Variants in ROBO1 observed in about 807,000 individuals in gnomAD.
ROBO1 encodes roundabout homolog 1.
A neutral mutation model predicts 195.9 loss-of-function variants in ROBO1; 149 were observed. That is an observed-to-expected ratio of 0.76 (90% CI 0.67 to 0.87). The LOEUF (loss-of-function observed/expected upper bound fraction) is 0.87, where lower values mean the gene tolerates loss of function less well. ROBO1 is among the 40% of genes least tolerant of loss of function. The pLI, the probability that ROBO1 is intolerant of heterozygous loss-of-function variation, is 0.00. For synonymous variants in ROBO1, 816 were observed against 733.2 expected (o/e 1.11, Z -1.82); for missense variants, 1,933 against 2,068.3 (o/e 0.93, Z 1.27).
At chr3:79,350,334 C>T (rs754896353) in intron 2 of ROBO1, among the ~76,000 whole-genome samples, 5 of 152,138 alleles carry the variant, frequency 3.3e-5, no homozygotes, top group Non-Finnish European at 5.9e-5. Flanking sequence ...TTTATCCTCA[C>T]GCATTGCTAG....
rs1704885316 is a variant in ROBO1 at position 78,627,497 on chromosome 3, C to A, written c.3699G>T (p.Glu1233Asp). The A allele has an allele frequency of 6.2e-7, 1 of 1,613,198 alleles. No individual in the cohort carries two copies. Among genetic ancestry groups the A allele is most frequent in the Non-Finnish European group, 8.5e-7 (1 of 1,179,680 alleles). Residue 1233 changes from glutamate to aspartate, a missense_variant, in exon 26 of 31, where the codon GAG (glutamate) becomes GAT (aspartate). Glu to Asp is a conservative substitution (Grantham distance 45). This residue lies in a region of ROBO1 where 1,737 missense variants were observed against 1,882.5 expected (regional missense o/e 0.92). Transcript: ENST00000464233. ...GGGGAGTGGGGCCTCGTTCATCTTCCTCCTCTTCTAATTCATCTTGTTGCA... is the reference window on the plus strand; with the variant it reads ...GGGGAGTGGGGCCTCGTTCATCTTCATCCTCTTCTAATTCATCTTGTTGCA... Reference protein sequence around the residue: ...MYLQQDELEEEEDERGPTPPV... With the variant: ...MYLQQDELEEDEDERGPTPPV...
rs139835300 is a variant in ROBO1 at position 79,310,370 on chromosome 3, T to C, written c.89-184831A>G. Among the ~76,000 whole-genome samples the C allele has an allele frequency of 8.0e-4, 122 of 152,272 alleles. 1 individual carries two copies. The East Asian group carries it at 0.018, about 22-fold the overall frequency. On this transcript the variant is annotated intron_variant, in intron 2 of 30. Transcript: ENST00000464233. ...CTCTCCTGGGACTGGGGGCCTTTTA[T>C]ATCCCATAGCTCCATATGATCAGCC...
At chr3:78,889,711 G>GA (rs745338257) in intron 4 of ROBO1, among the ~76,000 whole-genome samples, 1,123 of 48,090 alleles carry the variant, frequency 0.023, 11 homozygotes, top group Middle Eastern at 0.098. Context: ...ATAACTCCAA[G>GA]AAAAAAAAAA....
At chr3:78,828,424 G>A (rs2031836942) in intron 4 of ROBO1, among the ~76,000 whole-genome samples, 1 of 152,182 alleles carries the variant, frequency 6.6e-6, no homozygotes, top group Non-Finnish European at 1.5e-5. Context: ...ATTTGAAAAT[G>A]TGTGTGCTTA....
intron 2 of ROBO1, among the ~76,000 whole-genome samples, chr3:79,281,664 C>G (rs2031517100): frequency 6.6e-6 from 1 of 152,032 alleles, no homozygotes; most frequent in South Asian, 2.1e-4. Context: ...TCTTACATTG[C>G]TGTATATTCA....
At chr3:78,938,537 G>A in intron 4 of ROBO1, 64 bp downstream of exon 4, 1 of 1,421,668 alleles carries the variant, frequency 7.0e-7, no homozygotes, top group Non-Finnish European at 9.5e-7. Flanking sequence ...TCATTGCCAT[G>A]ATCAAACAAA....
intron 1 of ROBO1, among the ~76,000 whole-genome samples, chr3:79,607,504 C>T (rs1169367894): frequency 6.6e-6 from 1 of 151,334 alleles, no homozygotes; most frequent in Non-Finnish European, 1.5e-5. Flanking sequence ...TAAAGAGTTT[C>T]CTAAGAAGTA....
chr3:79,652,380 T>G (rs1229704896), intron 1 of ROBO1, among the ~76,000 whole-genome samples: 1 of 152,142 alleles, frequency 6.6e-6, no homozygotes, highest in East Asian at 1.9e-4. Context: ...TAGCTACCAG[T>G]GTAATCTTGG....
chr3:79,667,691 C>T (rs747465854), intron 1 of ROBO1, among the ~76,000 whole-genome samples: 3 of 151,704 alleles, frequency 2.0e-5, no homozygotes, highest in Non-Finnish European at 4.4e-5. Flanking sequence ...ATAAAGATAT[C>T]AGAGATTTTT....
chr3:79,709,871 G>A (rs1278878554), intron 1 of ROBO1, among the ~76,000 whole-genome samples: 1 of 152,062 alleles, frequency 6.6e-6, no homozygotes, highest in African/African-American at 2.4e-5. Context: ...CACCATATGA[G>A]GATACAGCAA....
At chr3:79,426,842 C>T (rs143406297) in intron 2 of ROBO1, among the ~76,000 whole-genome samples, 1 of 152,142 alleles carries the variant, frequency 6.6e-6, no homozygotes, top group African/African-American at 2.4e-5. Flanking sequence ...AGGTCTTAAC[C>T]ATTTTTGAAA....
Position 79,540,483 on chromosome 3 carries a change from C to T in ROBO1, c.88+49341G>A, listed in dbSNP as rs147059738. On this transcript the variant is annotated intron_variant, in intron 2 of 30. Transcript: ENST00000464233. Reference sequence around the variant, plus strand: ...AATTATATCCAATCCTATTAATATGCTTTCAACATCCGCTCATAACCCAAG... The same window carrying T: ...AATTATATCCAATCCTATTAATATGTTTTCAACATCCGCTCATAACCCAAG... Among the ~76,000 whole-genome samples the T allele has an allele frequency of 4.0e-3, 611 of 152,192 alleles. 2 individuals carry two copies. The highest frequency in any genetic ancestry group is 0.014 in the African/African-American group (578 of 41,562).
chr3:79,563,650 C>T (rs146035708), intron 2 of ROBO1, among the ~76,000 whole-genome samples: 1 of 152,076 alleles, frequency 6.6e-6, no homozygotes, highest in Non-Finnish European at 1.5e-5. Flanking sequence ...ACCTAAAGAT[C>T]AGTGGTAGAA....
intron 2 of ROBO1, among the ~76,000 whole-genome samples, chr3:79,352,354 C>T (rs1174000654): frequency 6.6e-6 from 1 of 152,150 alleles, no homozygotes; most frequent in Non-Finnish European, 1.5e-5. Context: ...TGAGGACTCA[C>T]AAGAGGTTAC....
chr3:79,458,439 T>C (rs547617556), intron 2 of ROBO1, among the ~76,000 whole-genome samples: 1 of 152,252 alleles, frequency 6.6e-6, no homozygotes, highest in African/African-American at 2.4e-5. Context: ...ATGAAGGATC[T>C]GGAAGAATGG....
intron 2 of ROBO1, among the ~76,000 whole-genome samples, chr3:79,349,524 T>G (rs2035260833): frequency 6.6e-6 from 1 of 152,140 alleles, no homozygotes; most frequent in Non-Finnish European, 1.5e-5. Context: ...AAAACACTCT[T>G]GCAAAGAACA....
At chr3:78,882,457 A>C (rs1235525140) in intron 4 of ROBO1, among the ~76,000 whole-genome samples, 1 of 152,068 alleles carries the variant, frequency 6.6e-6, no homozygotes, top group African/African-American at 2.4e-5. Context: ...CATCTTCGAG[A>C]TCACACCCTT....
intron 2 of ROBO1, among the ~76,000 whole-genome samples, chr3:79,333,608 C>T (rs1314091379): frequency 6.6e-6 from 1 of 152,172 alleles, no homozygotes; most frequent in Non-Finnish European, 1.5e-5. Flanking sequence ...GCACCCTCTT[C>T]CTTGCTCATT....
intron 1 of ROBO1, among the ~76,000 whole-genome samples, chr3:79,736,171 A>G (rs1289109271): frequency 6.6e-6 from 1 of 152,142 alleles, no homozygotes; most frequent in Non-Finnish European, 1.5e-5. Context: ...GAAAATCTGG[A>G]GAGAAGCATT....
Sources: allele counts gnomAD v4.1 joint callset (sites outside exome capture counted in the v4.1 genomes callset), GRCh38; gene constraint gnomAD v4.1.1; regional missense constraint gnomAD v4.1.1; transcripts MANE v1.5; gene names NCBI Gene and HGNC (gene_info 2026-07-23, HGNC 2026-07-21).